ZNF445: variants seen among roughly 807,000 people sequenced by gnomAD.
ZNF445 encodes zinc finger protein 168.
Under a neutral mutation model 93.9 loss-of-function variants are expected in ZNF445, and 19 were observed. The observed-to-expected ratio is 0.20, with a 90% CI of 0.14 to 0.30. The LOEUF is 0.30. Ranked by LOEUF, ZNF445 falls within the 10% of genes least tolerant of loss-of-function variation. The probability of loss-of-function intolerance (pLI) is 1.00; values close to 1 mark genes in which losing one functional copy is unlikely to be tolerated. For missense variants in ZNF445, 1,058 were observed against 1,259.4 expected, an observed-to-expected ratio of 0.84 and a Z score of 2.42; for synonymous variants, 449 against 446.3, an observed-to-expected ratio of 1.01 and a Z score of -0.08.
chr3:44,455,845 T>G, intron 2 of ZNF445, 149 bp from the exon 3 acceptor site: 1 of 312,318 alleles, frequency 3.2e-6, no homozygotes, highest in Non-Finnish European at 5.8e-6. Context: ...TGTCCCCTAT[T>G]GGAGTAAGCT....
chr3:44,462,945 T>C (rs954892117), intron 1 of ZNF445, among the ~76,000 whole-genome samples: 8 of 152,132 alleles, frequency 5.3e-5, no homozygotes, highest in South Asian at 2.1e-4. Context: ...CTTTTTTTTT[T>C]CTTCTTGGAA....
Position 44,448,541 on chromosome 3 carries a change from T to C in ZNF445, c.1130A>G (p.Glu377Gly). Reference sequence around the variant, plus strand: ...TCCTGTCCTGTGACTGAAATTGGTCTCTTCTTTCTTAACTCTTACTTGTAT... The same window carrying C: ...TCCTGTCCTGTGACTGAAATTGGTCCCTTCTTTCTTAACTCTTACTTGTAT... ...NPIQVRVKKEETNFSHRTGKD... is the reference protein window; with the variant it reads ...NPIQVRVKKEGTNFSHRTGKD... The change falls in exon 8 of 8, where the codon GAG becomes GGG. Residue 377 changes from glutamate to glycine, a missense_variant. Glu to Gly is a moderately conservative substitution (Grantham distance 98, BLOSUM62 -2). Coordinates refer to ENST00000396077, the MANE Select transcript of ZNF445 (RefSeq NM_181489.6). 1 of 1,614,108 alleles carries C rather than the reference T, an allele frequency of 6.2e-7. No individual in the cohort carries two copies. The highest frequency in any genetic ancestry group is 8.5e-7 in the Non-Finnish European group (1 of 1,180,028).
In ZNF445 at chr3:44,447,506, G is replaced by C; in HGVS notation, c.2165C>G (p.Ser722Ter). ...SDCGKDFAYR[S>*]AFIVHKKKHA... is the part of the protein sequence containing the mutation. ...CTTCTTCTTATGAACAATAAAGGCT[G>C]ACCTATAGGCAAAGTCCTTCCCACA... The change falls in exon 8 of 8, where the codon TCA (serine) becomes TGA (stop). Residue 722 changes from serine to a stop codon, truncating the protein, a stop_gained. Transcript: ENST00000396077. LOFTEE classifies it high-confidence loss of function. The surrounding 1 kb of genome is among the most constrained non-coding windows in gnomAD (Gnocchi z 4.7). 1.2e-6 allele frequency: 2 copies of C among 1,614,124 alleles called. No homozygotes were observed. The highest frequency in any genetic ancestry group is 1.7e-6 in the Non-Finnish European group (2 of 1,180,036).
intron 1 of ZNF445, among the ~76,000 whole-genome samples, chr3:44,460,518 T>C (rs1271698530): frequency 6.6e-6 from 1 of 152,224 alleles, no homozygotes; most frequent in Non-Finnish European, 1.5e-5. Flanking sequence ...CTGCACTTGA[T>C]GGATTAGCTG....
chr3:44,450,101 T>G, intron 6 of ZNF445: 1 of 326,656 alleles, frequency 3.1e-6, no homozygotes, highest in South Asian at 2.7e-5. Context: ...TACCACATGC[T>G]TGTATTTTTG....
At chr3:44,464,511 C>T (rs9843228) in intron 1 of ZNF445, among the ~76,000 whole-genome samples, 1,857 of 152,164 alleles carry the variant, frequency 0.012, 34 homozygotes, top group African/African-American at 0.043. Flanking sequence ...AATGCCTTTT[C>T]GTTCACGTGG....
Position 44,447,631 on chromosome 3 carries a change from T to C in ZNF445, c.2040A>G (p.Thr680=). The part of the protein sequence containing the change: ...QPQGAPAVEK[T]FLCQQCGKTF... ...TTTTCCCACACTGCTGACACAGAAA[T>C]GTTTTCTCCACAGCGGGAGCACCCT... The change falls in exon 8 of 8, where the codon ACA becomes ACG. Residue 680 remains threonine, a synonymous_variant. Transcript: ENST00000396077. This position sits in a 1 kb window ranked among gnomAD's most constrained non-coding sequence, Gnocchi z 4.7. 2 of 1,614,108 alleles carry C rather than the reference T, an allele frequency of 1.2e-6. No homozygotes were observed. Among genetic ancestry groups the C allele is most frequent in the Middle Eastern group, 1.6e-4 (1 of 6,062 alleles).
At chr3:44,466,847 A>G (rs926528671) in intron 1 of ZNF445, among the ~76,000 whole-genome samples, 1 of 152,242 alleles carries the variant, frequency 6.6e-6, no homozygotes, top group Admixed American at 6.5e-5. Context: ...AATTATGGGA[A>G]ACTTCTATAA....
chr3:44,449,535 C>T lies in ZNF445; in HGVS notation c.909G>A (p.Gly303=), dbSNP rs1201487114. 1.9e-6 allele frequency: 3 copies of T among 1,614,180 alleles called. No homozygotes were observed. Among genetic ancestry groups the T allele is most frequent in the East Asian group, 4.5e-5 (2 of 44,866 alleles). ...CACCTGTAGGAGCAGCAACTGGATT[C>T]CCCTTAGGCTGAGCTGCCTGCATGT... The part of the protein sequence containing the change: ...GLNMQAAQPK[G]NPVAAPTGDD... The change falls in exon 7 of 8, where the codon GGG becomes GGA. Residue 303 remains glycine, a synonymous_variant. Transcript: ENST00000396077.
At position 44,448,407 on chromosome 3, in the gene ZNF445, T is replaced by C; in HGVS notation, c.1264A>G (p.Arg422Gly). 1.9e-6 allele frequency: 3 copies of C among 1,614,272 alleles called. No homozygotes were observed. The highest frequency in any genetic ancestry group is 2.2e-5 in the South Asian group (2 of 91,082). Residue 422 changes from arginine to glycine, a missense_variant, in exon 8 of 8, where the codon AGA (arginine) becomes GGA (glycine). Arg to Gly is a moderately radical substitution (Grantham distance 125, BLOSUM62 -2). This residue lies in a region of ZNF445 where 657 missense variants were observed against 746.4 expected (regional missense o/e 0.88). Transcript: ENST00000396077. ...SLKHGCGKHF[R>G]MSSHHYDYKK... ...TAGTCATAGTGGTGTGAACTCATTC[T>C]GAAGTGTTTGCCACAGCCATGTTTA...
At chr3:44,465,313 T>C (rs1698179117) in intron 1 of ZNF445, among the ~76,000 whole-genome samples, 1 of 152,160 alleles carries the variant, frequency 6.6e-6, no homozygotes, top group Non-Finnish European at 1.5e-5. Context: ...AAAAGAGGAA[T>C]GGAACAAAAC....
At chr3:44,449,279 T>C (rs1349202332) in intron 7 of ZNF445, among the ~76,000 whole-genome samples, 2 of 151,674 alleles carry the variant, frequency 1.3e-5, no homozygotes, top group Non-Finnish European at 1.5e-5. Context: ...AGAACTATTA[T>C]TGAGAGGGCT....
rs1416037668 is a variant in ZNF445 at position 44,447,057 on chromosome 3, G to A, written c.2614C>T (p.Leu872=). Residue 872 remains leucine, a synonymous_variant, in exon 8 of 8, where the codon CTA becomes TTA. Transcript: ENST00000396077. The surrounding 1 kb of genome is among the most constrained non-coding windows in gnomAD (Gnocchi z 4.7). ...HSGEKRYKCN[L]CGKSYDRNYR... is the part of the protein sequence containing the mutation. ...TTTCTATCATAAGATTTCCCACATA[G>A]ATTACATTTATAGCGCTTCTCTCCA... is the stretch of plus-strand genomic sequence containing the variant. 6.2e-7 allele frequency: 1 copy of A among 1,614,206 alleles called. No homozygotes were observed. Among genetic ancestry groups the A allele is most frequent in the Admixed American group, 1.7e-5 (1 of 60,026 alleles).
At position 44,433,171 on chromosome 3, in the gene ZNF445, T is replaced by A. The variant is rs986860053; in HGVS notation, c.*13404A>T. 2 of 151,404 alleles carry A rather than the reference T, an allele frequency of 1.3e-5. No individual in the cohort carries two copies. The highest frequency in any genetic ancestry group is 3.9e-4 in the East Asian group (2 of 5,148). The allele number at this position is 151,404 out of a possible 1,614,324, so 9.4% of individuals were successfully genotyped here. ...CTCTGTTGTCCAGGCTGGAGTGCAG[T>A]GGCACTATCTCGGCTCACCACAACG... On this transcript the variant is annotated 3_prime_UTR_variant, in exon 8 of 8. Coordinates refer to ENST00000396077, the MANE Select transcript of ZNF445 (RefSeq NM_181489.6).
Position 44,447,955 on chromosome 3 carries a change from A to G in ZNF445, c.1716T>C (p.Asn572=). ...THAKKKFLEL[N]QYRAALTYSS... ...TGTAGGTGAGAGCTGCCCTATACTG[A>G]TTCAATTCAAGAAATTTCTTCTTAG... The change falls in exon 8 of 8, where the codon AAT becomes AAC. Residue 572 remains asparagine, a synonymous_variant. Transcript: ENST00000396077. The surrounding 1 kb of genome is among the most constrained non-coding windows in gnomAD (Gnocchi z 4.7). 6.2e-7 allele frequency: 1 copy of G among 1,613,096 alleles called. No individual in the cohort carries two copies. Among genetic ancestry groups the G allele is most frequent in the Non-Finnish European group, 8.5e-7 (1 of 1,179,974 alleles).
rs1025263429 is a variant in ZNF445 at position 44,467,864 on chromosome 3, G to T, written c.-268-9500C>A. Among the ~76,000 whole-genome samples the T allele has an allele frequency of 2.0e-5, 3 of 152,024 alleles. No homozygotes were observed. The East Asian group carries it at 5.8e-4, about 29-fold the overall frequency. ...GTACAATATTGTAGCTGTTCTTGAG[G>T]GTTTTTTTCTGCAGTTTAAACAAAA... On this transcript the variant is annotated intron_variant, in intron 1 of 7. Coordinates refer to ENST00000396077, the MANE Select transcript of ZNF445 (RefSeq NM_181489.6).
intron 7 of ZNF445, among the ~76,000 whole-genome samples, 161 bp downstream of exon 7, chr3:44,449,352 C>G (rs537359331): frequency 6.6e-5 from 10 of 152,246 alleles, no homozygotes; most frequent in Middle Eastern, 3.4e-3. Context: ...GGAGGCCAGC[C>G]AGGATGGAAG....
chr3:44,468,711 G>C (rs996082965), intron 1 of ZNF445, among the ~76,000 whole-genome samples: 3 of 127,108 alleles, frequency 2.4e-5, no homozygotes, highest in South Asian at 2.6e-4. Context: ...AGCACAAGAC[G>C]ACAGCTGTGA....
intron 3 of ZNF445, among the ~76,000 whole-genome samples, chr3:44,454,670 G>A (rs905410785): frequency 1.2e-4 from 18 of 152,088 alleles, no homozygotes; most frequent in African/African-American, 7.2e-5. Flanking sequence ...CAAGCAATCC[G>A]CCCACCTTGG....
Sources: gnomAD v4.1 joint callset for allele counts (sites outside exome capture counted in the v4.1 genomes callset) on GRCh38, gnomAD v4.1.1 for gene constraint, gnomAD v4.1.1 regional missense constraint, Gnocchi (gnomAD v3.1) non-coding constraint, MANE v1.5 for transcripts, NCBI Gene and HGNC (gene_info 2026-07-23, HGNC 2026-07-21) for gene names.